HMGXB3: variants seen among roughly 807,000 people sequenced by gnomAD.
The protein encoded by HMGXB3 is HMG-box containing 3.
In HMGXB3, 45 loss-of-function variants were observed where a neutral mutation model predicts 121.5. That is an observed-to-expected ratio of 0.37 (90% CI 0.29 to 0.47). The LOEUF (loss-of-function observed/expected upper bound fraction) is 0.47. HMGXB3 is among the 20% of genes least tolerant of loss of function. The pLI is 0.99. For missense variants in HMGXB3, 1,376 were observed against 1,602.2 expected (o/e 0.86, Z 2.41); for synonymous variants, 590 against 624.1 (o/e 0.95, Z 0.81).
At chr5:150,039,909 TATAAA>T (rs1237059704) in intron 13 of HMGXB3, among the ~76,000 whole-genome samples, 1 of 152,242 alleles carries the variant, frequency 6.6e-6, no homozygotes, top group Non-Finnish European at 1.5e-5. Context: ...TTTGTGCACA[TATAAA>T]ATCACCCACT....
At chr5:150,031,187 G>T (rs563444359) in intron 10 of HMGXB3, among the ~76,000 whole-genome samples, 1 of 152,170 alleles carries the variant, frequency 6.6e-6, no homozygotes, top group Non-Finnish European at 1.5e-5. Flanking sequence ...TTACATTTAG[G>T]CAACGTTGCC....
chr5:150,043,441 A>G (rs545544096), intron 15 of HMGXB3, among the ~76,000 whole-genome samples: 50 of 152,164 alleles, frequency 3.3e-4, no homozygotes, highest in Non-Finnish European at 4.4e-4. Context: ...CTTGCATCTC[A>G]TGTGTTCACT....
chr5:150,007,825 TGGGA>T (rs1755734986), intron 3 of HMGXB3, among the ~76,000 whole-genome samples: 1 of 151,846 alleles, frequency 6.6e-6, no homozygotes, highest in Non-Finnish European at 1.5e-5. Flanking sequence ...GAGGCTGAGG[TGGGA>T]GGATCACTTG....
intron 12 of HMGXB3, among the ~76,000 whole-genome samples, 181 bp from the exon 13 acceptor site, chr5:150,037,219 T>C (rs1407204881): frequency 6.6e-6 from 1 of 152,208 alleles, no homozygotes; most frequent in Non-Finnish European, 1.5e-5. Flanking sequence ...AATTATGTAA[T>C]AAATTCAGAG....
chr5:150,016,220 A>G lies in HMGXB3; in HGVS notation c.910-2346A>G, dbSNP rs545065399. On this transcript the variant is annotated intron_variant, in intron 5 of 19. Coordinates refer to ENST00000502717, the MANE Select transcript of HMGXB3 (RefSeq NM_014983.3). ...TAGTTGGGTGTGGTGGTACACACCT[A>G]TAGTCCCAGCTACTCAGGGCTGAGG... Among the ~76,000 whole-genome samples, 10 of 152,046 alleles carry G rather than the reference A, an allele frequency of 6.6e-5. No homozygotes were observed. In the South Asian group the frequency reaches 1.7e-3, roughly 25 times the overall value.
intron 5 of HMGXB3, among the ~76,000 whole-genome samples, chr5:150,017,950 C>G (rs1157987201): frequency 6.6e-6 from 1 of 151,922 alleles, no homozygotes; most frequent in African/African-American, 2.4e-5. Flanking sequence ...TAACTACATT[C>G]TGTTGAGTAT....
chr5:150,014,863 TG>T, intron 5 of HMGXB3: 1 of 566,122 alleles, frequency 1.8e-6, no homozygotes. Context: ...TCCCAAACAC[TG>T]GAGCAATTTT....
chr5:150,022,692 T>G (rs1375400665), intron 6 of HMGXB3, among the ~76,000 whole-genome samples: 1 of 152,166 alleles, frequency 6.6e-6, no homozygotes, highest in Non-Finnish European at 1.5e-5. Context: ...TCTCCTGCAG[T>G]AAATAAGCTC....
At chr5:150,004,804 C>T in intron 1 of HMGXB3, 47 bp from the exon 2 acceptor site, 2 of 1,371,096 alleles carry the variant, frequency 1.5e-6, no homozygotes, top group Non-Finnish European at 2.0e-6. Context: ...TGCTGCCCCT[C>T]TTAGGGGAGA....
In HMGXB3 at chr5:150,010,228, T is replaced by C; in HGVS notation, c.430T>C (p.Cys144Arg). 6.4e-7 allele frequency: 1 copy of C among 1,551,890 alleles called. No homozygotes were observed. The highest frequency in any genetic ancestry group is 8.7e-7 in the Non-Finnish European group (1 of 1,147,032). The change falls in exon 4 of 20, where the codon TGC becomes CGC. Residue 144 changes from cysteine to arginine, a missense_variant. Coordinates refer to ENST00000502717, the MANE Select transcript of HMGXB3 (RefSeq NM_014983.3). ...GAGCAGCCTGCAGGAGGACCGGAGC[T>C]GCCCTCAGCTAGAGCTATGTGTGGC... is the stretch of plus-strand genomic sequence containing the variant. Reference protein sequence around the residue: ...PKSSLQEDRSCPQLELCVAQN... With the variant: ...PKSSLQEDRSRPQLELCVAQN...
intron 15 of HMGXB3, among the ~76,000 whole-genome samples, chr5:150,043,854 C>T (rs952163603): frequency 6.6e-6 from 1 of 152,194 alleles, no homozygotes; most frequent in Non-Finnish European, 1.5e-5. Flanking sequence ...CTTTCTCAGC[C>T]GCTGACTGTG....
intron 15 of HMGXB3, among the ~76,000 whole-genome samples, chr5:150,043,182 C>A (rs905092233): frequency 5.9e-5 from 9 of 152,282 alleles, no homozygotes; most frequent in Admixed American, 5.9e-4. Flanking sequence ...TGATTCTACA[C>A]CCATATTTAT....
At chr5:150,037,072 A>T in intron 12 of HMGXB3, 135 bp downstream of exon 12, 4 of 815,910 alleles carry the variant, frequency 4.9e-6, no homozygotes. Context: ...TAACTTTCTG[A>T]TTGCTGAAAG....
At chr5:150,049,637 C>T (rs972048567) in intron 18 of HMGXB3, among the ~76,000 whole-genome samples, 5 of 152,204 alleles carry the variant, frequency 3.3e-5, no homozygotes, top group African/African-American at 1.2e-4. Flanking sequence ...TGAGAAGCAG[C>T]TGACAGCACG....
chr5:150,041,302 C>A (rs535528238), intron 14 of HMGXB3, among the ~76,000 whole-genome samples: 23 of 152,302 alleles, frequency 1.5e-4, no homozygotes, highest in African/African-American at 5.5e-4. Flanking sequence ...TTGTGCTTTT[C>A]CCATCCCATT....
chr5:150,041,252 T>A (rs1476299665), intron 14 of HMGXB3, among the ~76,000 whole-genome samples: 2 of 152,228 alleles, frequency 1.3e-5, no homozygotes, highest in African/African-American at 4.8e-5. Context: ...CCATCCTTTC[T>A]GTCTAGAATA....
chr5:150,048,920 C>T (rs991962250), intron 18 of HMGXB3, among the ~76,000 whole-genome samples: 6 of 152,094 alleles, frequency 3.9e-5, no homozygotes, highest in Admixed American at 6.5e-5. Flanking sequence ...GGTATAAGGG[C>T]GAGCTTGTAT....
At chr5:150,019,015 A>G (rs561414172) in intron 6 of HMGXB3, among the ~76,000 whole-genome samples, 325 of 145,726 alleles carry the variant, frequency 2.2e-3, no homozygotes, top group Non-Finnish European at 3.7e-3. Flanking sequence ...TCCAGTAGAG[A>G]TGGGGTCTTC....
At chr5:150,031,395 T>G (rs1756374917) in intron 10 of HMGXB3, among the ~76,000 whole-genome samples, 1 of 152,248 alleles carries the variant, frequency 6.6e-6, no homozygotes, top group Middle Eastern at 3.2e-3. Flanking sequence ...GCAGGCAGCA[T>G]AGAGCAGGGA....
Sources: gnomAD v4.1 joint callset for allele counts (sites outside exome capture counted in the v4.1 genomes callset) on GRCh38, gnomAD v4.1.1 for gene constraint, MANE v1.5 for transcripts, NCBI Gene and HGNC (gene_info 2026-07-23, HGNC 2026-07-21) for gene names.